The following C19orf47 variants were observed in gnomAD, a reference collection of about 807,000 sequenced individuals.
C19orf47 encodes the protein chromosome 19 open reading frame 47, also known as uncharacterized protein C19orf47.
Under a neutral mutation model 32.3 loss-of-function variants are expected in C19orf47, and 18 were observed. That is an observed-to-expected ratio of 0.56 (90% CI 0.39 to 0.83). C19orf47 has a LOEUF of 0.83. Ranked by LOEUF, C19orf47 falls within the 40% of genes least tolerant of loss-of-function variation. C19orf47 has a pLI of 0.00. For synonymous variants in C19orf47, 202 were observed against 211.1 expected (o/e 0.96, Z 0.37); for missense variants, 484 against 531.6 (o/e 0.91, Z 0.88).
chr19:40,345,557 A>C (rs904323760), intron 1 of C19orf47, among the ~76,000 whole-genome samples: 1 of 142,274 alleles, frequency 7.0e-6, no homozygotes, highest in African/African-American at 2.6e-5. Flanking sequence ...AAAAAAAAAA[A>C]AAAACTGGGC....
chr19:40,322,029 C>T lies in C19orf47; in HGVS notation c.1011G>A (p.Lys337=), dbSNP rs777611448. The T allele has an allele frequency of 3.7e-6, 6 of 1,614,054 alleles. No individual in the cohort carries two copies. The highest frequency in any genetic ancestry group is 5.1e-6 in the Non-Finnish European group (6 of 1,180,022). Residue 337 remains lysine, a synonymous_variant, in exon 9 of 9, where the codon AAG becomes AAA. Coordinates refer to ENST00000683109, the MANE Select transcript of C19orf47 (RefSeq NM_001256441.2). The part of the protein sequence containing the change: ...EAQDSQVTST[K]SKSSAEVKVT... ...CCTTGACCTCGGCTGAGGACTTACT[C>T]TTGGTGCTGGTGACCTGGCTGTCCT...
At chr19:40,316,537 C>T (rs1012260766), downstream of C19orf47, among the ~76,000 whole-genome samples, 1 of 152,192 alleles carries the variant, frequency 6.6e-6, no homozygotes, top group African/African-American at 2.4e-5. Context: ...TTTAGTACTT[C>T]CTGGCACACA....
Position 40,348,326 on chromosome 19 carries a change from G to T in C19orf47, c.-36C>A. The stretch of plus-strand genomic sequence containing the variant: ...ACCACCCCCGGCCCGCGCCTCACCT[G>T]GCCCACCGGGCCCGCGCCCACTCGC... On this transcript the variant is annotated splice_region_variant and 5_prime_UTR_variant, in exon 1 of 9. Transcript: ENST00000683109. 1 of 1,337,568 alleles carries T rather than the reference G, an allele frequency of 7.5e-7. No individual in the cohort carries two copies. Among genetic ancestry groups the T allele is most frequent in the Non-Finnish European group, 9.6e-7 (1 of 1,045,796 alleles). The allele number at this position is 1,337,568 out of a possible 1,614,324, so 82.9% of individuals were successfully genotyped here.
At chr19:40,313,334 T>A in the C19orf47 span, among the ~76,000 whole-genome samples, 4 of 152,184 alleles carry the variant, frequency 2.6e-5, no homozygotes, top group Non-Finnish European at 5.9e-5. Context: ...TTAAATTTTT[T>A]ATTTTTTCGA....
At chr19:40,329,709 A>G (rs963933515) in intron 5 of C19orf47, among the ~76,000 whole-genome samples, 1 of 152,136 alleles carries the variant, frequency 6.6e-6, no homozygotes, top group Admixed American at 6.6e-5. Context: ...TCCTCTGTTA[A>G]TAATATACCC....
chr19:40,345,580 G>C (rs1326166465), intron 1 of C19orf47, among the ~76,000 whole-genome samples: 1 of 145,834 alleles, frequency 6.9e-6, no homozygotes, highest in African/African-American at 2.5e-5. Flanking sequence ...GGTGGCTCAC[G>C]CCTGTAATCA....
rs573193443 is a variant in C19orf47, at chr19:40,335,754, T to C, written c.222+356A>G. ...CCTCCCAAGTAGCTGGGACTACAGG[T>C]GCCCGCCACCACGCTCGGCTAATTT... On this transcript the variant is annotated intron_variant, in intron 4 of 8. Transcript: ENST00000683109. Among the ~76,000 whole-genome samples, 95 of 152,078 alleles carry C rather than the reference T, an allele frequency of 6.2e-4. 1 individual carries two copies. The South Asian group carries it at 0.019, about 30-fold the overall frequency.
the C19orf47 span, among the ~76,000 whole-genome samples, chr19:40,311,129 C>T: frequency 1.3e-5 from 2 of 152,092 alleles, no homozygotes; most frequent in African/African-American, 4.8e-5. Context: ...GCAATCCCAG[C>T]ACTTTGGGAG....
chr19:40,298,716 G>A, the C19orf47 span, among the ~76,000 whole-genome samples: 2 of 152,140 alleles, frequency 1.3e-5, no homozygotes, highest in African/African-American at 2.4e-5. Context: ...AAGTGACTCT[G>A]TATGCAAAGT....
chr19:40,310,762 T>G, the C19orf47 span, among the ~76,000 whole-genome samples: 2 of 152,198 alleles, frequency 1.3e-5, no homozygotes, highest in Non-Finnish European at 1.5e-5. Context: ...ATTATGTTTG[T>G]AAATATACAG....
rs1298868810 is a variant in C19orf47, at chr19:40,328,422, T to A, written c.430A>T (p.Lys144Ter). Residue 144 changes from lysine to a stop codon, truncating the protein, a stop_gained, in exon 6 of 9, where the codon AAG (lysine) becomes TAG (stop). Transcript: ENST00000683109. LOFTEE classifies it high-confidence loss of function. ...GCCCATGTTCCCTCACCAGTGGCCTTGGCACTCTTTGCTGCCATCTTGTTG... is the reference window on the plus strand; with the variant it reads ...GCCCATGTTCCCTCACCAGTGGCCTAGGCACTCTTTGCTGCCATCTTGTTG... Reference protein sequence around the residue: ...VSNKMAAKSAKATAALARREE... With the variant: ...VSNKMAAKSA 2.5e-6 allele frequency: 4 copies of A among 1,612,920 alleles called. No individual in the cohort carries two copies. The highest frequency in any genetic ancestry group is 2.5e-6 in the Non-Finnish European group (3 of 1,179,460).
At chr19:40,334,000 C>A (rs2078008753) in intron 4 of C19orf47, 71 bp from the exon 5 acceptor site, 1 of 1,176,962 alleles carries the variant, frequency 8.5e-7, no homozygotes, top group Non-Finnish European at 1.2e-6. Flanking sequence ...CTAAGCAACA[C>A]CACAAGGATC....
intron 2 of C19orf47, among the ~76,000 whole-genome samples, chr19:40,339,676 A>G (rs2078136963): frequency 6.6e-6 from 1 of 152,192 alleles, no homozygotes; most frequent in South Asian, 2.1e-4. Flanking sequence ...ACAACTATAA[A>G]GAAAAGCAAG....
At chr19:40,323,166 G>A (rs575967882) in intron 8 of C19orf47, among the ~76,000 whole-genome samples, 1 of 152,362 alleles carries the variant, frequency 6.6e-6, no homozygotes, top group Non-Finnish European at 1.5e-5. Context: ...CTCATGGTAA[G>A]ATTCTTGGAA....
intron 6 of C19orf47, among the ~76,000 whole-genome samples, chr19:40,327,634 G>A (rs1342915532): frequency 1.3e-5 from 2 of 152,148 alleles, no homozygotes; most frequent in African/African-American, 4.8e-5. Flanking sequence ...ATGACACCAT[G>A]AGGTCATTGC....
At chr19:40,301,311 G>A in the C19orf47 span, among the ~76,000 whole-genome samples, 1 of 137,554 alleles carries the variant, frequency 7.3e-6, no homozygotes, top group East Asian at 2.0e-4. Context: ...ACCTTGAGAG[G>A]CTTTTATTTA....
At chr19:40,312,503 C>A in the C19orf47 span, among the ~76,000 whole-genome samples, 12 of 152,046 alleles carry the variant, frequency 7.9e-5, no homozygotes, top group African/African-American at 2.9e-4. Flanking sequence ...TGAGATCGCA[C>A]CACTGCACTC....
At chr19:40,312,800 G>A in the C19orf47 span, among the ~76,000 whole-genome samples, 4 of 152,156 alleles carry the variant, frequency 2.6e-5, no homozygotes, top group African/African-American at 9.7e-5. Flanking sequence ...AGTGATAACA[G>A]CCTAATTAAG....
At chr19:40,313,619 C>T in the C19orf47 span, among the ~76,000 whole-genome samples, 7 of 152,192 alleles carry the variant, frequency 4.6e-5, no homozygotes, top group African/African-American at 1.7e-4. Flanking sequence ...GCCACCATGC[C>T]CAGCCCGCTT....
Sources: gnomAD v4.1 joint callset for allele counts (sites outside exome capture counted in the v4.1 genomes callset) on GRCh38, gnomAD v4.1.1 for gene constraint, MANE v1.5 for transcripts, NCBI Gene and HGNC (gene_info 2026-07-23, HGNC 2026-07-21) for gene names.